The following TIGAR variants were observed in gnomAD, a reference collection of about 807,000 sequenced individuals.
The protein encoded by TIGAR is TP53 induced glycolysis regulatory phosphatase.
In TIGAR, 7 loss-of-function variants were observed where a neutral mutation model predicts 17.9. That is an observed-to-expected ratio of 0.39 (90% CI 0.22 to 0.73). The LOEUF (loss-of-function observed/expected upper bound fraction) is 0.73. TIGAR is among the 30% of genes least tolerant of loss of function. TIGAR has a pLI of 0.42. For synonymous variants in TIGAR, 94 were observed against 108.6 expected, an observed-to-expected ratio of 0.87 and a Z score of 0.84; for missense variants, 258 against 327.4, an observed-to-expected ratio of 0.79 and a Z score of 1.64.
intron 1 of TIGAR, chr12:4,324,746 G>T: frequency 1.4e-6 from 1 of 720,454 alleles, no homozygotes; most frequent in Non-Finnish European, 2.5e-6. Context: ...CCCGCAGCTG[G>T]TCCAAGTCTG....
chr12:4,334,489 A>G (rs977597108), intron 2 of TIGAR, among the ~76,000 whole-genome samples: 2 of 152,220 alleles, frequency 1.3e-5, no homozygotes, highest in African/African-American at 4.8e-5. Context: ...GACAATACCT[A>G]ATAAAGTATA....
Position 4,357,905 on chromosome 12 carries a change from C to T in TIGAR, c.*5214C>T, listed in dbSNP as rs1047253448. 4.0e-5 allele frequency among the ~76,000 whole-genome samples: 6 copies of T among 149,880 alleles called. No homozygotes were observed. The highest frequency in any genetic ancestry group is 3.3e-4 in the Admixed American group (5 of 15,022). On this transcript the variant is annotated 3_prime_UTR_variant, in exon 6 of 6. Transcript: ENST00000179259. ...GATCACGAGGTCAGGAGATAGAGAC[C>T]ATCCTGGCTAACACAGTGAAACCTC...
intron 2 of TIGAR, among the ~76,000 whole-genome samples, chr12:4,336,253 A>G (rs111584776): frequency 0.018 from 2,780 of 152,266 alleles, 71 homozygotes; most frequent in African/African-American, 0.063. Context: ...CTCGCTCCCA[A>G]GAATGTTGTG....
At chr12:4,340,569 T>C (rs536860796) in intron 3 of TIGAR, among the ~76,000 whole-genome samples, 6 of 152,318 alleles carry the variant, frequency 3.9e-5, no homozygotes, top group African/African-American at 1.4e-4. Context: ...TATGTGGAAC[T>C]GCAAAAGACC....
At chr12:4,324,672 G>T (rs1176960591) in intron 1 of TIGAR, 4 of 1,102,714 alleles carry the variant, frequency 3.6e-6, no homozygotes, top group South Asian at 2.7e-5. Flanking sequence ...GCAGGCCCGG[G>T]TTCACTTGCG....
intron 1 of TIGAR, among the ~76,000 whole-genome samples, chr12:4,329,784 C>T (rs1864585262): frequency 6.6e-6 from 1 of 152,068 alleles, no homozygotes; most frequent in Non-Finnish European, 1.5e-5. Flanking sequence ...CTGTCATTTC[C>T]CAGCATTTTC....
intron 2 of TIGAR, among the ~76,000 whole-genome samples, chr12:4,336,321 G>A (rs1481538636): frequency 3.3e-5 from 5 of 152,046 alleles, no homozygotes; most frequent in African/African-American, 1.2e-4. Flanking sequence ...CCCCACCAGC[G>A]TGTCCTCATA....
intron 2 of TIGAR, among the ~76,000 whole-genome samples, chr12:4,334,924 A>G (rs549136924): frequency 1.3e-5 from 2 of 152,178 alleles, no homozygotes; most frequent in Non-Finnish European, 2.9e-5. Flanking sequence ...AGTTTCTCAT[A>G]ATATATCTAG....
intron 3 of TIGAR, among the ~76,000 whole-genome samples, chr12:4,344,503 A>G (rs970820139): frequency 2.0e-5 from 3 of 152,244 alleles, no homozygotes; most frequent in Non-Finnish European, 2.9e-5. Context: ...CGAATCCAGC[A>G]GCGCAACAAA....
chr12:4,321,444 G>C lies in TIGAR; in HGVS notation c.32+141G>C. ...GGGCTGGCTTGGAAGCGCTTTTTCC[G>C]GGGCGCTTGCCCTGGGGCCGTCCCG... On this transcript the variant is annotated intron_variant, in intron 1 of 5. Coordinates refer to ENST00000179259, the MANE Select transcript of TIGAR (RefSeq NM_020375.3). This position sits in a 1 kb window ranked among gnomAD's most constrained non-coding sequence, Gnocchi z 5.2. 2 of 1,248,858 alleles carry C rather than the reference G, an allele frequency of 1.6e-6. No individual in the cohort carries two copies. The highest frequency in any genetic ancestry group is 2.6e-5 in the East Asian group (1 of 38,926). The allele number at this position is 1,248,858 out of a possible 1,614,324, so 77.4% of individuals were successfully genotyped here.
intron 1 of TIGAR, among the ~76,000 whole-genome samples, chr12:4,325,891 A>T (rs943593781): frequency 6.6e-6 from 1 of 152,220 alleles, no homozygotes; most frequent in Non-Finnish European, 1.5e-5. Context: ...TTTCATTTAC[A>T]CTAAAGAACA....
At chr12:4,334,680 G>A (rs533570749) in intron 2 of TIGAR, among the ~76,000 whole-genome samples, 2 of 152,266 alleles carry the variant, frequency 1.3e-5, no homozygotes, top group East Asian at 3.9e-4. Context: ...CATTCCTGAA[G>A]TACGTTCTTT....
chr12:4,346,059 C>T (rs112831719), intron 3 of TIGAR, among the ~76,000 whole-genome samples: 2,773 of 152,248 alleles, frequency 0.018, 71 homozygotes, highest in African/African-American at 0.063. Context: ...CAATGAGATA[C>T]CGTCTCACAC....
rs546949514 is a variant in TIGAR at position 4,355,371 on chromosome 12, T to C, written c.*2680T>C. 1.2e-4 allele frequency among the ~76,000 whole-genome samples: 18 copies of C among 152,334 alleles called. No homozygotes were observed. The highest frequency in any genetic ancestry group is 3.6e-4 in the African/African-American group (15 of 41,576). On this transcript the variant is annotated 3_prime_UTR_variant, in exon 6 of 6. Transcript: ENST00000179259. Reference sequence around the variant, plus strand: ...TAGAGTCTGTGGACTCTTTTAGTTATCTGTGTATTTCCTTATCAGTGTCAT... The same window carrying C: ...TAGAGTCTGTGGACTCTTTTAGTTACCTGTGTATTTCCTTATCAGTGTCAT...
chr12:4,331,756 G>A (rs943878465), intron 2 of TIGAR, among the ~76,000 whole-genome samples: 12 of 152,080 alleles, frequency 7.9e-5, no homozygotes, highest in South Asian at 4.1e-4. Flanking sequence ...ACATGTGGTC[G>A]TTACTTTATT....
chr12:4,348,668 G>T (rs1355505995), intron 3 of TIGAR, among the ~76,000 whole-genome samples: 5 of 152,204 alleles, frequency 3.3e-5, no homozygotes, highest in Non-Finnish European at 7.3e-5. Context: ...AAAGAAGTTG[G>T]TAAAGGTTTA....
intron 2 of TIGAR, 46 bp from the exon 3 acceptor site, chr12:4,336,993 A>G: frequency 6.5e-7 from 1 of 1,531,274 alleles, no homozygotes; most frequent in Non-Finnish European, 8.9e-7. Context: ...TACATCTCTG[A>G]TATGTAGTTT....
At chr12:4,338,180 C>T (rs565059940) in intron 3 of TIGAR, among the ~76,000 whole-genome samples, 12 of 152,198 alleles carry the variant, frequency 7.9e-5, no homozygotes, top group Middle Eastern at 6.8e-3. Context: ...TCTAAAAACT[C>T]CATGGAAGGA....
At chr12:4,338,830 G>C (rs1864687540) in intron 3 of TIGAR, among the ~76,000 whole-genome samples, 1 of 151,926 alleles carries the variant, frequency 6.6e-6, no homozygotes, top group Admixed American at 6.6e-5. Flanking sequence ...TAACAAATCT[G>C]CCTGGCGTGG....
Sources: gnomAD v4.1 joint callset for allele counts (sites outside exome capture counted in the v4.1 genomes callset) on GRCh38, gnomAD v4.1.1 for gene constraint, Gnocchi (gnomAD v3.1) non-coding constraint, MANE v1.5 for transcripts, NCBI Gene and HGNC (gene_info 2026-07-23, HGNC 2026-07-21) for gene names.